The following CDYL variants were observed in gnomAD, a reference collection of about 807,000 sequenced individuals.
CDYL encodes chromodomain Y-like protein.
A neutral mutation model predicts 47.3 loss-of-function variants in CDYL; 8 were observed. The ratio of observed to expected loss-of-function variants is 0.17; its 90% CI spans 0.10 to 0.31. The LOEUF (loss-of-function observed/expected upper bound fraction) is 0.31, where lower values mean the gene tolerates loss of function less well. Ranked by LOEUF, CDYL falls within the 10% of genes least tolerant of loss-of-function variation. The pLI is 1.00. For missense variants in CDYL, 471 were observed against 701.4 expected (o/e 0.67, Z 3.71); for synonymous variants, 266 against 265.0 (o/e 1.00, Z -0.04).
At chr6:4,723,587 A>T (rs1398406918) in intron 2 of CDYL, among the ~76,000 whole-genome samples, 1 of 152,120 alleles carries the variant, frequency 6.6e-6, no homozygotes, top group Admixed American at 6.5e-5. Flanking sequence ...ACCCAGCAGG[A>T]GGCGGCAAGC....
chr6:4,769,965 TTGTGTGTGTGTGTGTGTGTGTG>T (rs58041362), intron 3 of CDYL, among the ~76,000 whole-genome samples: 1 of 137,816 alleles, frequency 7.3e-6, no homozygotes, highest in African/African-American at 2.7e-5. Flanking sequence ...CCCGGCTAAT[TTGTGTGTGTGTGTGTGTGTGTG>T]TGTGTGTGTG....
Position 4,747,525 on chromosome 6 carries a change from G to A in CDYL, c.186+12681G>A, listed in dbSNP as rs549139673. On this transcript the variant is annotated intron_variant, in intron 3 of 8. Coordinates refer to the CDYL transcript ENST00000328908. ...AGAAATCTCATTTCCCCAACTGTGC[G>A]TTTTCCAAAAGTTGAATATTTCCTT... 1.4e-4 allele frequency among the ~76,000 whole-genome samples: 21 copies of A among 152,240 alleles called. No individual in the cohort carries two copies. The South Asian group carries it at 1.7e-3, about 12-fold the overall frequency.
At chr6:4,850,246 G>A (rs1194557989) in intron 1 of CDYL, among the ~76,000 whole-genome samples, 4 of 152,090 alleles carry the variant, frequency 2.6e-5, no homozygotes, top group African/African-American at 7.2e-5. Flanking sequence ...TGCTAGGCAC[G>A]AGGGATATAG....
In CDYL at chr6:4,907,465, A is replaced by G. The variant is rs377179605; in HGVS notation, c.691+15086A>G. On this transcript the variant is annotated intron_variant, in intron 2 of 6. Transcript: ENST00000397588. ...CGTCTCCCCCTCCCAGGCTCAGGTG[A>G]TCCACCTCAGCTTTCCAAGTAGCCG... 9.9e-5 allele frequency among the ~76,000 whole-genome samples: 15 copies of G among 152,100 alleles called. No homozygotes were observed. The East Asian group carries it at 2.9e-3, about 30-fold the overall frequency.
At chr6:4,797,427 CT>C (rs77314083) in intron 1 of CDYL, among the ~76,000 whole-genome samples, 1,768 of 140,708 alleles carry the variant, frequency 0.013, 29 homozygotes, top group African/African-American at 0.038. Flanking sequence ...CTTTTCATTT[CT>C]TTTTTTTTTT....
intron 2 of CDYL, among the ~76,000 whole-genome samples, chr6:4,923,869 C>A (rs531400249): frequency 6.7e-6 from 1 of 149,644 alleles, no homozygotes; most frequent in African/African-American, 2.5e-5. Context: ...CCACTGCACT[C>A]CAGCCTGGGT....
chr6:4,746,039 A>G (rs945539815), intron 3 of CDYL, among the ~76,000 whole-genome samples: 2 of 152,142 alleles, frequency 1.3e-5, no homozygotes, highest in Non-Finnish European at 2.9e-5. Flanking sequence ...AATGTTAGAT[A>G]CAAACGGGAC....
chr6:4,741,911 G>A (rs1757803239), intron 3 of CDYL, among the ~76,000 whole-genome samples: 1 of 152,168 alleles, frequency 6.6e-6, no homozygotes, highest in Non-Finnish European at 1.5e-5. Context: ...CTCACTCAAA[G>A]TCCAGAATCT....
chr6:4,928,456 T>C (rs1757943332), intron 2 of CDYL, among the ~76,000 whole-genome samples: 1 of 152,232 alleles, frequency 6.6e-6, no homozygotes, highest in Non-Finnish European at 1.5e-5. Context: ...AGTATGTTTT[T>C]GCAATTCTTC....
intron 6 of CDYL, among the ~76,000 whole-genome samples, chr6:4,953,452 G>A (rs1430830408): frequency 6.6e-6 from 1 of 152,038 alleles, no homozygotes. Flanking sequence ...GCAAATTATA[G>A]GATGTGAAAT....
intron 1 of CDYL, among the ~76,000 whole-genome samples, chr6:4,781,668 T>A (rs1246052017): frequency 6.6e-6 from 1 of 152,238 alleles, no homozygotes; most frequent in Non-Finnish European, 1.5e-5. Context: ...ATTCTTGCTG[T>A]GATATCTAAG....
Position 4,734,867 on chromosome 6 carries a change from G to A in CDYL, c.186+23G>A, listed in dbSNP as rs750631192. On this transcript the variant is annotated intron_variant, in intron 3 of 8. Coordinates refer to the CDYL transcript ENST00000328908. ...CAGGTAGGTCTTGGTTTCTCCCAGT[G>A]GCAAGCTTGGAGTCCATCTGGCAAG... 4.3e-6 allele frequency: 7 copies of A among 1,613,262 alleles called. No individual in the cohort carries two copies. In the African/African-American group the frequency reaches 8.0e-5, roughly 18 times the overall value.
chr6:4,934,409 G>A (rs917535886), intron 2 of CDYL, among the ~76,000 whole-genome samples: 2 of 152,128 alleles, frequency 1.3e-5, no homozygotes, highest in Non-Finnish European at 1.5e-5. Context: ...TGTTTTGCCA[G>A]GGAGGTTATT....
intron 1 of CDYL, among the ~76,000 whole-genome samples, chr6:4,868,327 T>C (rs143841717): frequency 1.3e-5 from 2 of 152,086 alleles, no homozygotes; most frequent in South Asian, 2.1e-4. Flanking sequence ...CTAAATACTT[T>C]CTAATTTTCC....
chr6:4,798,127 T>C (rs576981434), intron 1 of CDYL, among the ~76,000 whole-genome samples: 1 of 152,018 alleles, frequency 6.6e-6, no homozygotes, highest in Non-Finnish European at 1.5e-5. Context: ...TGTGTGCCAC[T>C]ACACCTGGCT....
At chr6:4,709,298 C>T (rs1255618588) in intron 1 of CDYL, among the ~76,000 whole-genome samples, 2 of 152,102 alleles carry the variant, frequency 1.3e-5, no homozygotes, top group African/African-American at 4.8e-5. Context: ...TGAGTTCAAG[C>T]AATTCTCCTG....
chr6:4,915,345 G>A (rs1757526898), intron 2 of CDYL, among the ~76,000 whole-genome samples: 1 of 152,124 alleles, frequency 6.6e-6, no homozygotes, highest in Admixed American at 6.5e-5. Flanking sequence ...GGGTTGTTTT[G>A]GGTGTTTGAT....
intron 6 of CDYL, among the ~76,000 whole-genome samples, chr6:4,953,645 C>CAAA (rs1758777947): frequency 1.3e-5 from 2 of 152,094 alleles, no homozygotes; most frequent in African/African-American, 4.8e-5. Context: ...GCCGAGGCTG[C>CAAA]TCACAGGCTG....
intron 1 of CDYL, among the ~76,000 whole-genome samples, chr6:4,870,967 A>G (rs992737369): frequency 6.6e-6 from 1 of 152,220 alleles, no homozygotes; most frequent in Admixed American, 6.5e-5. Flanking sequence ...TTTTCCACTA[A>G]ACCCAAATTC....
Sources: allele counts gnomAD v4.1 joint callset (sites outside exome capture counted in the v4.1 genomes callset), GRCh38; gene constraint gnomAD v4.1.1; transcripts MANE v1.5; gene names NCBI Gene and HGNC (gene_info 2026-07-23, HGNC 2026-07-21).